Variants in GLIS3 observed in about 807,000 individuals in gnomAD.
GLIS3 encodes GLIS family zinc finger 3.
Under a neutral mutation model 78.6 loss-of-function variants are expected in GLIS3, and 53 were observed. The ratio of observed to expected loss-of-function variants is 0.67; its 90% CI spans 0.54 to 0.85. GLIS3 has a LOEUF of 0.85. GLIS3 is among the 40% of genes least tolerant of loss of function. The pLI is 0.00. For synonymous variants in GLIS3, 684 were observed against 509.9 expected (o/e 1.34, Z -4.60); for missense variants, 1,703 against 1,231.1 (o/e 1.38, Z -5.74).
intron 2 of GLIS3, among the ~76,000 whole-genome samples, chr9:4,139,103 A>C (rs917925664): frequency 4.6e-5 from 7 of 152,196 alleles, no homozygotes; most frequent in African/African-American, 7.2e-5. Flanking sequence ...TATTAAGAAA[A>C]CAAGTAAGAT....
At chr9:4,056,436 C>A (rs1826160904) in intron 4 of GLIS3, among the ~76,000 whole-genome samples, 1 of 152,186 alleles carries the variant, frequency 6.6e-6, no homozygotes, top group East Asian at 1.9e-4. Context: ...TTGTTAAAAT[C>A]TTCCTTTTCC....
At chr9:4,413,775 T>G in the GLIS3 span, among the ~76,000 whole-genome samples, 17 of 152,214 alleles carry the variant, frequency 1.1e-4, no homozygotes, top group African/African-American at 4.1e-4. Context: ...CACTGACCAT[T>G]TTTACCACTA....
upstream of GLIS3, among the ~76,000 whole-genome samples, chr9:4,300,960 T>C (rs1817045665): frequency 6.6e-6 from 1 of 152,086 alleles, no homozygotes. Context: ...TCACAAGTCC[T>C]TATATTCTAT....
chr9:4,351,644 C>T (rs1475709268), upstream of GLIS3, among the ~76,000 whole-genome samples: 1 of 152,056 alleles, frequency 6.6e-6, no homozygotes, highest in Non-Finnish European at 1.5e-5. Context: ...TAATGATGAA[C>T]ATCAAATGAT....
At chr9:4,474,377 A>G in the GLIS3 span, among the ~76,000 whole-genome samples, 3 of 152,186 alleles carry the variant, frequency 2.0e-5, no homozygotes, top group African/African-American at 4.8e-5. Context: ...CAAAAACCCT[A>G]GACGCAGACA....
intron 1 of GLIS3, among the ~76,000 whole-genome samples, chr9:4,291,116 C>T (rs1815936316): frequency 1.3e-5 from 2 of 152,056 alleles, no homozygotes; most frequent in Admixed American, 6.5e-5. Context: ...AATGTATAGA[C>T]CTATTCACTT....
chr9:4,183,536 T>C (rs1442579909), intron 2 of GLIS3, among the ~76,000 whole-genome samples: 1 of 152,236 alleles, frequency 6.6e-6, no homozygotes, highest in African/African-American at 2.4e-5. Flanking sequence ...AATTTTTTTC[T>C]GAGCCCTAGT....
chr9:4,210,775 G>C (rs889286498), intron 2 of GLIS3, among the ~76,000 whole-genome samples: 2 of 152,248 alleles, frequency 1.3e-5, no homozygotes, highest in Admixed American at 1.3e-4. Flanking sequence ...ACCTGCTAGA[G>C]CCAGTCTCCT....
chr9:3,955,954 G>C (rs963813895), intron 4 of GLIS3, among the ~76,000 whole-genome samples: 1 of 143,096 alleles, frequency 7.0e-6, no homozygotes, highest in African/African-American at 2.6e-5. Context: ...ATACGTACAA[G>C]TGATTGGCTA....
intron 4 of GLIS3, among the ~76,000 whole-genome samples, chr9:4,021,791 T>C (rs1179916432): frequency 2.0e-5 from 3 of 152,204 alleles, no homozygotes; most frequent in African/African-American, 7.2e-5. Flanking sequence ...TCCTGAAATT[T>C]TTCCAGCATG....
chr9:4,281,645 T>TTGTA (rs1827563754), intron 2 of GLIS3, among the ~76,000 whole-genome samples: 1 of 152,240 alleles, frequency 6.6e-6, no homozygotes, highest in Non-Finnish European at 1.5e-5. Flanking sequence ...TAATATGCCA[T>TTGTA]TGTATGTATA....
At chr9:4,480,667 C>T in the GLIS3 span, among the ~76,000 whole-genome samples, 1 of 151,886 alleles carries the variant, frequency 6.6e-6, no homozygotes, top group Non-Finnish European at 1.5e-5. Context: ...AACGCCTTGG[C>T]CTACCGGGGC....
chr9:4,377,287 C>T, the GLIS3 span, among the ~76,000 whole-genome samples: 1 of 135,336 alleles, frequency 7.4e-6, no homozygotes, highest in East Asian at 2.2e-4. Flanking sequence ...GTGGGATAAG[C>T]TGGCTTGCTG....
At chr9:4,441,229 C>T in the GLIS3 span, among the ~76,000 whole-genome samples, 1 of 152,174 alleles carries the variant, frequency 6.6e-6, no homozygotes, top group African/African-American at 2.4e-5. Flanking sequence ...TTTGCCTTAT[C>T]CAAATCTTAC....
intron 4 of GLIS3, among the ~76,000 whole-genome samples, chr9:3,999,399 T>G (rs577746111): frequency 6.6e-6 from 1 of 152,254 alleles, no homozygotes; most frequent in Admixed American, 6.5e-5. Context: ...TGAATGCTTG[T>G]TTTTCCAGAT....
chr9:4,377,554 T>G, the GLIS3 span, among the ~76,000 whole-genome samples: 1 of 84,836 alleles, frequency 1.2e-5, no homozygotes, highest in African/African-American at 3.6e-5. Context: ...CTTTCATATA[T>G]ACATATATCC....
the GLIS3 span, among the ~76,000 whole-genome samples, chr9:4,368,120 T>C: frequency 6.6e-6 from 1 of 152,222 alleles, no homozygotes; most frequent in African/African-American, 2.4e-5. Flanking sequence ...TATTCTCAAA[T>C]AATGAATAAT....
At chr9:4,119,968 G>A (rs545852553) in intron 3 of GLIS3, among the ~76,000 whole-genome samples, 5 of 152,272 alleles carry the variant, frequency 3.3e-5, no homozygotes, top group Admixed American at 2.0e-4. Flanking sequence ...GACATAACAC[G>A]CTGTATTTCT....
At chr9:4,394,296 TTTAAA>T in the GLIS3 span, among the ~76,000 whole-genome samples, 8 of 149,864 alleles carry the variant, frequency 5.3e-5, no homozygotes, top group East Asian at 9.6e-4. Context: ...TTTAAAATTA[TTTAAA>T]TTAAATAATT....
Sources: allele counts gnomAD v4.1 joint callset (sites outside exome capture counted in the v4.1 genomes callset), GRCh38; gene constraint gnomAD v4.1.1; transcripts MANE v1.5; gene names NCBI Gene and HGNC (gene_info 2026-07-23, HGNC 2026-07-21).